FRYL: variants seen among roughly 807,000 people sequenced by gnomAD.
FRYL encodes FRY like transcription coactivator.
Under a neutral mutation model 351.2 loss-of-function variants are expected in FRYL, and 150 were observed. That is an observed-to-expected ratio of 0.43 (90% confidence interval 0.37 to 0.49). The LOEUF is 0.49. Among genes scored for constraint, FRYL ranks in the 20% least tolerant of loss-of-function variants. The pLI, the probability that FRYL is intolerant of heterozygous loss-of-function variation, is 0.00. For synonymous variants in FRYL, 1,153 were observed against 1,257.1 expected (o/e 0.92, Z 1.75); for missense variants, 3,036 against 3,619.3 (o/e 0.84, Z 4.13).
chr4:48,528,113 T>C lies in FRYL; in HGVS notation c.7065+62A>G, dbSNP rs1726681128. 7 of 1,565,030 alleles carry C rather than the reference T, an allele frequency of 4.5e-6. No individual in the cohort carries two copies. The Admixed American group carries it at 5.7e-5, about 13-fold the overall frequency. ...AATAAGACAAATTCTCAAGTTTTCA[T>C]ACCTATAACAAAACTGATTCTTCTG... On this transcript the variant is annotated intron_variant, in intron 51 of 63. Coordinates refer to ENST00000358350, the MANE Select transcript of FRYL (RefSeq NM_015030.2).
intron 1 of FRYL, among the ~76,000 whole-genome samples, chr4:48,725,544 C>G (rs934583858): frequency 6.6e-6 from 1 of 152,146 alleles, no homozygotes; most frequent in Non-Finnish European, 1.5e-5. Context: ...AATAGCACAT[C>G]ATTCTCAGTA....
intron 60 of FRYL, among the ~76,000 whole-genome samples, chr4:48,503,259 C>T (rs1191373179): frequency 1.3e-5 from 2 of 151,996 alleles, no homozygotes; most frequent in African/African-American, 4.8e-5. Context: ...ACTGTTACTT[C>T]TCAGAAAAGA....
intron 15 of FRYL, 117 bp from the exon 16 acceptor site, chr4:48,594,133 C>G (rs1396967784): frequency 2.3e-5 from 12 of 520,008 alleles, no homozygotes; most frequent in Non-Finnish European, 1.7e-5. Flanking sequence ...AAGTTCACAG[C>G]TGAACAGAAG....
chr4:48,770,930 A>G (rs1775449439), intron 1 of FRYL, among the ~76,000 whole-genome samples: 1 of 151,892 alleles, frequency 6.6e-6, no homozygotes, highest in Admixed American at 6.6e-5. Context: ...TAGAACAGGA[A>G]AAATGTTAGA....
intron 3 of FRYL, among the ~76,000 whole-genome samples, chr4:48,673,278 A>T (rs1763008545): frequency 6.6e-6 from 1 of 152,250 alleles, no homozygotes. Flanking sequence ...CTTAATACAC[A>T]CTAGAATTAA....
At chr4:48,581,039 G>A (rs1740780643) in intron 21 of FRYL, 88 bp from the exon 22 acceptor site, 3 of 663,776 alleles carry the variant, frequency 4.5e-6, no homozygotes, top group Non-Finnish European at 4.8e-6. Context: ...ATTCACTTCA[G>A]CACTATTTTT....
chr4:48,750,438 G>T (rs1773130965), intron 1 of FRYL, among the ~76,000 whole-genome samples: 1 of 151,882 alleles, frequency 6.6e-6, no homozygotes. Context: ...TCCAGCCTGG[G>T]TGACAAAGTC....
At chr4:48,508,796 A>C (rs1721856397) in intron 59 of FRYL, among the ~76,000 whole-genome samples, 2 of 152,206 alleles carry the variant, frequency 1.3e-5, no homozygotes, top group African/African-American at 4.8e-5. Context: ...AGTTTACCCC[A>C]GTTTGCACTC....
At chr4:48,673,746 T>G (rs1026170896) in intron 3 of FRYL, among the ~76,000 whole-genome samples, 1 of 152,228 alleles carries the variant, frequency 6.6e-6, no homozygotes, top group Non-Finnish European at 1.5e-5. Flanking sequence ...GATAACGACC[T>G]GTCTCACAGG....
chr4:48,596,783 T>C (rs1251812029), intron 13 of FRYL, among the ~76,000 whole-genome samples: 2 of 152,172 alleles, frequency 1.3e-5, no homozygotes, highest in African/African-American at 2.4e-5. Flanking sequence ...GCAAACTTTT[T>C]CTTCATTCTA....
intron 25 of FRYL, 70 bp downstream of exon 25, chr4:48,575,047 A>AC: frequency 6.6e-7 from 1 of 1,510,904 alleles, no homozygotes; most frequent in Non-Finnish European, 9.1e-7. Context: ...CCTTCTAAGG[A>AC]CCCTACCACA....
intron 1 of FRYL, among the ~76,000 whole-genome samples, chr4:48,765,117 A>G (rs374565493): frequency 1.6e-4 from 25 of 152,340 alleles, no homozygotes; most frequent in African/African-American, 5.5e-4. Context: ...TGCCGGGATT[A>G]CAGGTGTGAG....
chr4:48,767,558 C>T (rs979549639), intron 1 of FRYL, among the ~76,000 whole-genome samples: 8 of 152,142 alleles, frequency 5.3e-5, no homozygotes, highest in Admixed American at 1.3e-4. Flanking sequence ...ATAAATCAAA[C>T]ACAGAAAGAC....
intron 10 of FRYL, 87 bp from the exon 11 acceptor site, chr4:48,605,920 GTCATTTTACC>G: frequency 1.2e-6 from 1 of 856,928 alleles, no homozygotes; most frequent in Non-Finnish European, 1.9e-6. Context: ...TGAACACTCT[GTCATTTTACC>G]AAAAAACTAA....
At chr4:48,619,654 G>A (rs374718499) in intron 6 of FRYL, among the ~76,000 whole-genome samples, 7 of 152,110 alleles carry the variant, frequency 4.6e-5, no homozygotes, top group South Asian at 4.2e-4. Context: ...ACAGGCAAGC[G>A]CCACCATGCC....
In FRYL at chr4:48,531,297, C is replaced by T. The variant is rs113113932; in HGVS notation, c.6762G>A (p.Ala2254=). The part of the protein sequence containing the change: ...NILKLVVSRS[A]SLVVPSDIPK... ...GGATATCACTGGGTACGACAAGACT[C>T]GCAGAGCGTGACACCACCAGCTTTA... Residue 2254 remains alanine (A), a synonymous_variant, in exon 50 of 64, where the codon GCG becomes GCA. Coordinates refer to ENST00000358350, the MANE Select transcript of FRYL (RefSeq NM_015030.2). 8.9e-4 allele frequency: 1,430 copies of T among 1,613,632 alleles called. 9 individuals are homozygous for T. In the African/African-American group the frequency reaches 0.015, roughly 17 times the overall value.
chr4:48,617,384 T>C (rs1749720346), intron 7 of FRYL, among the ~76,000 whole-genome samples: 1 of 150,626 alleles, frequency 6.6e-6, no homozygotes, highest in African/African-American at 2.4e-5. Context: ...GGTCTTGCAC[T>C]GTCACCCAGG....
chr4:48,718,454 T>G (rs1170492376), intron 1 of FRYL, among the ~76,000 whole-genome samples: 1 of 151,622 alleles, frequency 6.6e-6, no homozygotes, highest in Non-Finnish European at 1.5e-5. Flanking sequence ...GTATATTATA[T>G]AGCCAATATT....
chr4:48,501,185 T>C (rs1719559529), intron 62 of FRYL, among the ~76,000 whole-genome samples: 4 of 152,020 alleles, frequency 2.6e-5, no homozygotes, highest in Admixed American at 2.6e-4. Context: ...ACTGATGTGC[T>C]TTGTTTGACT....
Sources: gnomAD v4.1 joint callset for allele counts (sites outside exome capture counted in the v4.1 genomes callset) on GRCh38, gnomAD v4.1.1 for gene constraint, MANE v1.5 for transcripts, NCBI Gene and HGNC (gene_info 2026-07-23, HGNC 2026-07-21) for gene names.